The following GNB1 variants were observed in gnomAD, a reference collection of about 807,000 sequenced individuals.
GNB1 encodes the protein G protein subunit beta 1.
In GNB1, 2 loss-of-function variants were observed where a neutral mutation model predicts 42.9. The ratio of observed to expected loss-of-function variants is 0.05; its 90% confidence interval spans 0.02 to 0.15. The LOEUF (loss-of-function observed/expected upper bound fraction) is 0.15. Among genes scored for constraint, GNB1 ranks in the 10% least tolerant of loss-of-function variants. The probability of loss-of-function intolerance (pLI) is 1.00; values close to 1 mark genes in which losing one functional copy is unlikely to be tolerated. For synonymous variants in GNB1, 183 were observed against 174.7 expected (o/e 1.05, Z -0.38); for missense variants, 193 against 462.2 (o/e 0.42, Z 5.34).
At chr1:1,865,821 T>C (rs1289406988) in intron 1 of GNB1, among the ~76,000 whole-genome samples, 1 of 152,210 alleles carries the variant, frequency 6.6e-6, no homozygotes, top group Non-Finnish European at 1.5e-5. Context: ...TCTTCCAAAA[T>C]GAAAAATAAC....
At chr1:1,875,506 C>T (rs1169041058) in intron 1 of GNB1, among the ~76,000 whole-genome samples, 2 of 151,826 alleles carry the variant, frequency 1.3e-5, no homozygotes, top group Admixed American at 6.6e-5. Context: ...GACACTTTAC[C>T]TTTTCTATTT....
At chr1:1,812,073 A>C (rs1646787803) in intron 5 of GNB1, among the ~76,000 whole-genome samples, 1 of 152,164 alleles carries the variant, frequency 6.6e-6, no homozygotes, top group Admixed American at 6.5e-5. Context: ...CTCAAAAAAA[A>C]AAACCCAAAA....
intron 3 of GNB1, 97 bp downstream of exon 3, chr1:1,825,300 T>C (rs1043649057): frequency 2.7e-5 from 23 of 841,076 alleles, no homozygotes; most frequent in Non-Finnish European, 3.5e-5. Context: ...ATATAAAACA[T>C]AGAACAAGTC....
chr1:1,874,924 A>G (rs1300887283), intron 1 of GNB1, among the ~76,000 whole-genome samples: 1 of 152,148 alleles, frequency 6.6e-6, no homozygotes, highest in South Asian at 2.1e-4. Flanking sequence ...CCACAGACAG[A>G]GGGGATGGTT....
In GNB1 at chr1:1,836,856, CTTTTTTT is replaced by C. The variant is rs35131919; in HGVS notation, c.-47+2327_-47+2333del. On this transcript the variant is annotated intron_variant, in intron 2 of 11. Coordinates refer to ENST00000378609, the MANE Select transcript of GNB1 (RefSeq NM_002074.5). The stretch of plus-strand genomic sequence containing the variant: ...GTGAGCCACCGTGCCCGACTGCTAA[CTTTTTTT>C]TTTTTTTTTTTTTGAAGAGACAGGG... Among the ~76,000 whole-genome samples, 187 of 120,164 alleles carry C rather than the reference CTTTTTTT, an allele frequency of 1.6e-3. 1 individual carries two copies. The highest frequency in any genetic ancestry group is 2.3e-3 in the Non-Finnish European group (131 of 57,190). The allele number at this position is 120,164 out of a possible 152,430, so 78.8% of individuals were successfully genotyped here.
intron 1 of GNB1, among the ~76,000 whole-genome samples, chr1:1,878,116 G>A (rs532319148): frequency 6.6e-6 from 1 of 152,286 alleles, no homozygotes; most frequent in African/African-American, 2.4e-5. Context: ...CTGTAAGATG[G>A]AGCTATTAAC....
chr1:1,805,016 G>C (rs1333747132), intron 6 of GNB1, among the ~76,000 whole-genome samples: 2 of 152,060 alleles, frequency 1.3e-5, no homozygotes, highest in Admixed American at 6.6e-5. Context: ...ACCAAAATTA[G>C]CTGGGCGTGA....
At chr1:1,821,913 TC>T (rs1372933285) in intron 3 of GNB1, among the ~76,000 whole-genome samples, 2 of 152,110 alleles carry the variant, frequency 1.3e-5, no homozygotes, top group Non-Finnish European at 2.9e-5. Context: ...GGCGGGAAGA[TC>T]CCTTGAGCCC....
chr1:1,798,493 G>A (rs779423064), intron 7 of GNB1, among the ~76,000 whole-genome samples: 1 of 152,200 alleles, frequency 6.6e-6, no homozygotes, highest in Non-Finnish European at 1.5e-5. Context: ...AGCTGTGCAC[G>A]CTGTATCATG....
intron 1 of GNB1, among the ~76,000 whole-genome samples, chr1:1,845,755 C>G (rs1366177754): frequency 6.8e-6 from 1 of 147,898 alleles, no homozygotes; most frequent in Non-Finnish European, 1.5e-5. Flanking sequence ...GGGGTTCAAT[C>G]TGAATTTGGA....
At chr1:1,872,197 T>C (rs1449425453) in intron 1 of GNB1, among the ~76,000 whole-genome samples, 1 of 152,004 alleles carries the variant, frequency 6.6e-6, no homozygotes, top group African/African-American at 2.4e-5. Flanking sequence ...GACAGAGTCT[T>C]GAACTCCTGG....
chr1:1,821,231 G>A (rs116067598), intron 3 of GNB1, among the ~76,000 whole-genome samples: 67 of 152,310 alleles, frequency 4.4e-4, no homozygotes, highest in Admixed American at 1.8e-3. Flanking sequence ...AATGGACCCT[G>A]CTCCCTTGCA....
intron 1 of GNB1, among the ~76,000 whole-genome samples, chr1:1,841,204 T>C (rs1269806878): frequency 6.6e-6 from 1 of 152,064 alleles, no homozygotes; most frequent in African/African-American, 2.4e-5. Flanking sequence ...TTATTAATTT[T>C]TTGAGACAGA....
intron 2 of GNB1, among the ~76,000 whole-genome samples, chr1:1,828,884 C>CGT (rs1647035297): frequency 1.6e-5 from 2 of 126,540 alleles, no homozygotes; most frequent in Admixed American, 1.5e-4. Context: ...TACACACACA[C>CGT]ATACACACAT....
At chr1:1,851,334 C>T (rs1459113724) in intron 1 of GNB1, among the ~76,000 whole-genome samples, 8 of 149,754 alleles carry the variant, frequency 5.3e-5, no homozygotes, top group East Asian at 2.0e-4. Flanking sequence ...CGCTTGAACC[C>T]GGGAGGCGGA....
At chr1:1,812,405 CAT>C (rs1336958026) in intron 5 of GNB1, among the ~76,000 whole-genome samples, 2 of 46,814 alleles carry the variant, frequency 4.3e-5, no homozygotes, top group Non-Finnish European at 8.5e-5. Flanking sequence ...CACACACATA[CAT>C]ACACACACAC....
intron 4 of GNB1, 124 bp from the exon 5 acceptor site, chr1:1,815,986 T>C: frequency 1.5e-6 from 1 of 668,100 alleles, no homozygotes; most frequent in Non-Finnish European, 2.7e-6. Context: ...TTCCCACAGT[T>C]CTCCAGTGGC....
At chr1:1,865,459 A>G (rs549999221) in intron 1 of GNB1, among the ~76,000 whole-genome samples, 2 of 151,790 alleles carry the variant, frequency 1.3e-5, no homozygotes, top group Admixed American at 6.6e-5. Context: ...GGTGGCGGGC[A>G]CCTGTAGTCC....
intron 1 of GNB1, among the ~76,000 whole-genome samples, chr1:1,888,703 G>C (rs558603889): frequency 6.4e-4 from 97 of 152,224 alleles, no homozygotes; most frequent in Non-Finnish European, 1.3e-3. Flanking sequence ...GCCGGGTGTG[G>C]TGGTGGTAGC....
Sources: gnomAD v4.1 joint callset for allele counts (sites outside exome capture counted in the v4.1 genomes callset) on GRCh38, gnomAD v4.1.1 for gene constraint, MANE v1.5 for transcripts, NCBI Gene and HGNC (gene_info 2026-07-23, HGNC 2026-07-21) for gene names.